CRADD: variants seen among roughly 807,000 people sequenced by gnomAD.
CRADD encodes the protein death domain-containing protein CRADD.
CRADD carries 9 observed loss-of-function variants against 15.5 expected under a neutral mutation model. The ratio of observed to expected loss-of-function variants is 0.58; its 90% CI spans 0.35 to 1.01. The LOEUF (loss-of-function observed/expected upper bound fraction) is 1.01, where lower values mean the gene tolerates loss of function less well. Among genes scored for constraint, CRADD ranks in the 50% least tolerant of loss-of-function variants. CRADD has a pLI of 0.02. For synonymous variants in CRADD, 118 were observed against 107.6 expected (o/e 1.10, Z -0.60); for missense variants, 227 against 250.3 (o/e 0.91, Z 0.63).
intron 2 of CRADD, among the ~76,000 whole-genome samples, chr12:93,889,506 C>G (rs1039642204): frequency 6.6e-6 from 1 of 152,110 alleles, no homozygotes; most frequent in African/African-American, 2.4e-5. Flanking sequence ...TGGCTTTTAG[C>G]CTCTGCCATC....
In CRADD at chr12:93,795,112, A is replaced by G. The variant is rs376720967; in HGVS notation, c.299-54858A>G. Among the ~76,000 whole-genome samples, 9 of 152,212 alleles carry G rather than the reference A, an allele frequency of 5.9e-5. No homozygotes were observed. The East Asian group carries it at 1.3e-3, about 23-fold the overall frequency. ...GTATTATTTTTTTGCCCCTACCTATAAAGTCCAGAAGAGCAGCTACCTTGT... is the reference window on the plus strand; with the variant it reads ...GTATTATTTTTTTGCCCCTACCTATGAAGTCCAGAAGAGCAGCTACCTTGT... On this transcript the variant is annotated intron_variant, in intron 2 of 2. Transcript: ENST00000332896.
intron 2 of CRADD, among the ~76,000 whole-genome samples, chr12:93,729,415 A>T (rs1956424446): frequency 6.6e-6 from 1 of 152,246 alleles, no homozygotes; most frequent in South Asian, 2.1e-4. Flanking sequence ...ATATATACTT[A>T]ATCTTTATTT....
intron 2 of CRADD, among the ~76,000 whole-genome samples, chr12:93,714,298 A>G (rs1436526976): frequency 1.3e-5 from 2 of 152,192 alleles, no homozygotes; most frequent in African/African-American, 4.8e-5. Context: ...AAATTGGGCA[A>G]AGGGCTGATT....
intron 2 of CRADD, among the ~76,000 whole-genome samples, chr12:93,808,764 T>C (rs961187912): frequency 6.6e-6 from 1 of 152,108 alleles, no homozygotes; most frequent in Non-Finnish European, 1.5e-5. Context: ...ACTGCATTGC[T>C]TGCCCAGGTC....
At chr12:93,882,972 G>A (rs985266856) in intron 2 of CRADD, among the ~76,000 whole-genome samples, 8 of 152,280 alleles carry the variant, frequency 5.3e-5, no homozygotes, top group Non-Finnish European at 1.0e-4. Context: ...CTGTCTCAGG[G>A]GATTGCGTAA....
At chr12:93,893,622 T>G (rs1030123195) in intron 2 of CRADD, among the ~76,000 whole-genome samples, 1 of 152,222 alleles carries the variant, frequency 6.6e-6, no homozygotes, top group Non-Finnish European at 1.5e-5. Context: ...ATTTAAGCAC[T>G]AGGCTGGGCG....
At chr12:93,848,887 T>G (rs561910163) in intron 2 of CRADD, 1 of 152,324 alleles carries the variant, frequency 6.6e-6, no homozygotes, top group African/African-American at 2.4e-5. Flanking sequence ...GTTCAGGAAG[T>G]GTAAGGTCAG....
chr12:93,885,442 G>C (rs116105851), intron 2 of CRADD, among the ~76,000 whole-genome samples: 8,114 of 151,094 alleles, frequency 0.054, 487 homozygotes, highest in African/African-American at 0.14. Context: ...TCGTGCCCCC[G>C]CCACCCCCCA....
chr12:93,880,685 C>A (rs1467015583), intron 2 of CRADD, among the ~76,000 whole-genome samples: 1 of 152,198 alleles, frequency 6.6e-6, no homozygotes, highest in Non-Finnish European at 1.5e-5. Context: ...AGGACTGTCT[C>A]TACAAATTTT....
intron 2 of CRADD, among the ~76,000 whole-genome samples, chr12:93,698,159 A>G (rs575340307): frequency 1.8e-4 from 28 of 152,078 alleles, no homozygotes; most frequent in Non-Finnish European, 3.4e-4. Flanking sequence ...CTGCCTGCTT[A>G]TGCTGTCTTC....
chr12:93,890,638 G>A (rs1443726578), intron 2 of CRADD, among the ~76,000 whole-genome samples: 2 of 152,132 alleles, frequency 1.3e-5, no homozygotes, highest in African/African-American at 4.8e-5. Context: ...CCATCCTGCT[G>A]TAAATGCAAC....
At chr12:93,860,453 G>T (rs1376705949) in intron 2 of CRADD, among the ~76,000 whole-genome samples, 6 of 152,180 alleles carry the variant, frequency 3.9e-5, no homozygotes. Context: ...TAGGGATATA[G>T]CAGTCAATGT....
chr12:93,845,487 G>T (rs1048852095), intron 2 of CRADD, among the ~76,000 whole-genome samples: 4 of 152,098 alleles, frequency 2.6e-5, no homozygotes, highest in Non-Finnish European at 4.4e-5. Flanking sequence ...ACTTTGGGAG[G>T]CTGGGTCACG....
At chr12:93,873,805 C>T (rs764522301) in intron 2 of CRADD, among the ~76,000 whole-genome samples, 1 of 151,882 alleles carries the variant, frequency 6.6e-6, no homozygotes, top group Non-Finnish European at 1.5e-5. Flanking sequence ...TTGTTGAATT[C>T]GATTTGTTCG....
chr12:93,688,175 G>C (rs1317014824), intron 2 of CRADD, among the ~76,000 whole-genome samples: 1 of 152,184 alleles, frequency 6.6e-6, no homozygotes, highest in East Asian at 1.9e-4. Flanking sequence ...CAGACTGGCT[G>C]TCTGTCTGCT....
chr12:93,808,001 A>AAAAG (rs1957562177), intron 2 of CRADD, among the ~76,000 whole-genome samples: 4 of 149,060 alleles, frequency 2.7e-5, no homozygotes, highest in Non-Finnish European at 5.9e-5. Context: ...AAAAAAAAAA[A>AAAAG]GTATAGAGCA....
At chr12:93,819,937 C>T (rs1027344696) in intron 2 of CRADD, among the ~76,000 whole-genome samples, 1 of 152,216 alleles carries the variant, frequency 6.6e-6, no homozygotes, top group East Asian at 1.9e-4. Flanking sequence ...ATTGACTTGA[C>T]GTTTTTCACT....
At chr12:93,796,617 G>A (rs931934743) in intron 2 of CRADD, among the ~76,000 whole-genome samples, 53 of 133,236 alleles carry the variant, frequency 4.0e-4, no homozygotes, top group Non-Finnish European at 7.1e-4. Flanking sequence ...AAAAAAAAAA[G>A]CCATCTGGAT....
chr12:93,774,036 T>C (rs1422135549), intron 2 of CRADD, among the ~76,000 whole-genome samples: 3 of 147,112 alleles, frequency 2.0e-5, no homozygotes, highest in African/African-American at 7.5e-5. Flanking sequence ...GGGTTTCACC[T>C]TGTTGCCCAG....
Sources: gnomAD v4.1 joint callset for allele counts (sites outside exome capture counted in the v4.1 genomes callset) on GRCh38, gnomAD v4.1.1 for gene constraint, MANE v1.5 for transcripts, NCBI Gene and HGNC (gene_info 2026-07-23, HGNC 2026-07-21) for gene names.